SUPT3H: variants seen among roughly 807,000 people sequenced by gnomAD.
SUPT3H encodes the protein transcription initiation protein SPT3 homolog.
Under a neutral mutation model 44.3 loss-of-function variants are expected in SUPT3H, and 44 were observed. The ratio of observed to expected loss-of-function variants is 0.99; its 90% CI spans 0.78 to 1.28. The LOEUF is 1.28. SUPT3H is among the 50% of genes most tolerant of loss of function. SUPT3H has a pLI of 0.00. For missense variants in SUPT3H, 380 were observed against 387.1 expected (o/e 0.98, Z 0.15); for synonymous variants, 124 against 125.6 (o/e 0.99, Z 0.09).
intron 3 of SUPT3H, among the ~76,000 whole-genome samples, chr6:45,089,194 TAG>T (rs1412009041): frequency 1.3e-5 from 2 of 152,018 alleles, no homozygotes; most frequent in Admixed American, 6.6e-5. Flanking sequence ...TAAAAATATA[TAG>T]GTTTTTAAAA....
At chr6:45,144,460 T>C (rs1805710506) in intron 2 of SUPT3H, among the ~76,000 whole-genome samples, 1 of 152,078 alleles carries the variant, frequency 6.6e-6, no homozygotes, top group African/African-American at 2.4e-5. Context: ...AGCATCCCTT[T>C]ATGATGAAAA....
chr6:44,928,781 G>C (rs634789), intron 10 of SUPT3H, among the ~76,000 whole-genome samples: 88,226 of 148,394 alleles, frequency 0.59, 27,079 homozygotes, highest in African/African-American at 0.76. Context: ...TACTCGGGAG[G>C]CTGAGGCAGG....
chr6:44,956,119 CA>C (rs35935221), intron 7 of SUPT3H, among the ~76,000 whole-genome samples: 1,372 of 124,428 alleles, frequency 0.011, 24 homozygotes, highest in African/African-American at 0.036. Context: ...GACTCCGTCT[CA>C]AAAAAAAAAA....
rs569251744 is a variant in SUPT3H, at chr6:44,855,256, C to T, written c.913-25399G>A. On this transcript the variant is annotated intron_variant, in intron 10 of 10. Transcript: ENST00000371459. Reference sequence around the variant, plus strand: ...GGGAGGTGCTGACGGGCTTGAGTCCCATCTCTTGGGCTGGCCAGTTTTGAC... The same window carrying T: ...GGGAGGTGCTGACGGGCTTGAGTCCTATCTCTTGGGCTGGCCAGTTTTGAC... 8.5e-5 allele frequency among the ~76,000 whole-genome samples: 13 copies of T among 152,228 alleles called. 1 individual carries two copies. In the South Asian group the frequency reaches 2.7e-3, roughly 32 times the overall value.
intron 2 of SUPT3H, among the ~76,000 whole-genome samples, chr6:45,343,311 GC>G: frequency 6.6e-6 from 1 of 152,160 alleles, no homozygotes; most frequent in African/African-American, 2.4e-5. Flanking sequence ...GACCATCCTG[GC>G]CAACATGGTG....
At chr6:45,319,330 T>G (rs74951829) in intron 2 of SUPT3H, among the ~76,000 whole-genome samples, 161 of 152,284 alleles carry the variant, frequency 1.1e-3, no homozygotes, top group Non-Finnish European at 1.8e-3. Flanking sequence ...CACCAGAGTT[T>G]GTAAGGCAGG....
intron 2 of SUPT3H, among the ~76,000 whole-genome samples, chr6:45,119,556 T>G (rs1254746140): frequency 6.6e-6 from 1 of 152,188 alleles, no homozygotes; most frequent in East Asian, 1.9e-4. Flanking sequence ...ATATGCTTAT[T>G]ATATGTATAT....
At chr6:45,036,463 C>A (rs1184129701) in intron 3 of SUPT3H, among the ~76,000 whole-genome samples, 1 of 152,014 alleles carries the variant, frequency 6.6e-6, no homozygotes, top group Admixed American at 6.6e-5. Context: ...AGATTCTAGA[C>A]ATATCATTGT....
At chr6:44,936,818 T>C (rs1430573560) in intron 9 of SUPT3H, among the ~76,000 whole-genome samples, 2 of 152,056 alleles carry the variant, frequency 1.3e-5, no homozygotes, top group African/African-American at 2.4e-5. Flanking sequence ...CAGGCACACC[T>C]ACCGCACCTG....
intron 10 of SUPT3H, among the ~76,000 whole-genome samples, chr6:44,877,331 T>C (rs2153433010): frequency 6.6e-6 from 1 of 152,142 alleles, no homozygotes; most frequent in East Asian, 1.9e-4. Context: ...TAGCCAGGCG[T>C]GGTGGCGCAT....
At chr6:45,012,058 T>C (rs1398381283) in intron 5 of SUPT3H, among the ~76,000 whole-genome samples, 5 of 151,590 alleles carry the variant, frequency 3.3e-5, no homozygotes, top group African/African-American at 1.2e-4. Context: ...GGTCCCCCTG[T>C]ATATGCTTTT....
chr6:45,365,155 A>G lies in SUPT3H; in HGVS notation c.101+46T>C, dbSNP rs775426693. 53 of 1,168,130 alleles carry G rather than the reference A, an allele frequency of 4.5e-5. No individual in the cohort carries two copies. The Middle Eastern group carries it at 1.8e-3, about 40-fold the overall frequency. The allele number at this position is 1,168,130 out of a possible 1,614,324, so 72.4% of individuals were successfully genotyped here. Reference sequence around the variant, plus strand: ...TTATGTCTATTGTCTTTCAACATGAATAAATTTAAAATAGTAATAGCAATA... The same window carrying G: ...TTATGTCTATTGTCTTTCAACATGAGTAAATTTAAAATAGTAATAGCAATA... On this transcript the variant is annotated intron_variant, in intron 2 of 10. Coordinates refer to ENST00000371459, the MANE Select transcript of SUPT3H (RefSeq NM_003599.4).
chr6:45,354,699 AAAG>A (rs1359616949), intron 2 of SUPT3H, among the ~76,000 whole-genome samples: 2 of 152,076 alleles, frequency 1.3e-5, no homozygotes, highest in Non-Finnish European at 2.9e-5. Context: ...ACATTTAAAA[AAAG>A]AAAAAAAAAG....
intron 2 of SUPT3H, among the ~76,000 whole-genome samples, chr6:45,312,575 G>A (rs958841731): frequency 2.0e-5 from 3 of 147,802 alleles, no homozygotes; most frequent in African/African-American, 7.5e-5. Context: ...TGTCCAACAG[G>A]AAAATATCAT....
intron 2 of SUPT3H, among the ~76,000 whole-genome samples, chr6:45,336,848 TG>T: frequency 6.6e-6 from 1 of 151,692 alleles, no homozygotes; most frequent in South Asian, 2.1e-4. Flanking sequence ...TTCAAATACA[TG>T]GTCAATTCAC....
chr6:45,315,431 G>T (rs559129755), intron 2 of SUPT3H, among the ~76,000 whole-genome samples: 25 of 151,804 alleles, frequency 1.6e-4, no homozygotes, highest in Non-Finnish European at 3.4e-4. Context: ...AAATCAACAA[G>T]AAAAATCAAT....
At chr6:44,972,136 T>G (rs1374989381) in intron 6 of SUPT3H, among the ~76,000 whole-genome samples, 1 of 152,114 alleles carries the variant, frequency 6.6e-6, no homozygotes, top group Non-Finnish European at 1.5e-5. Flanking sequence ...CAAAGTCTCA[T>G]CTGAGACAAG....
rs117337341 is a variant in SUPT3H at position 45,332,891 on chromosome 6, C to T, written c.101+32310G>A. 1.9e-3 allele frequency among the ~76,000 whole-genome samples: 292 copies of T among 151,712 alleles called. 8 individuals carry two copies. In the East Asian group the frequency reaches 0.054, roughly 28 times the overall value. On this transcript the variant is annotated intron_variant, in intron 2 of 10. Coordinates refer to ENST00000371459, the MANE Select transcript of SUPT3H (RefSeq NM_003599.4). ...TAATTTAAGCAGAGACTTCTCAATA[C>T]GTTACCTTAATGTACTATTTTTTCT...
At chr6:44,895,596 T>C (rs1200746360) in intron 10 of SUPT3H, among the ~76,000 whole-genome samples, 1 of 152,174 alleles carries the variant, frequency 6.6e-6, no homozygotes, top group Non-Finnish European at 1.5e-5. Context: ...GTGAAATTAC[T>C]TTCTAGTATC....
Sources: allele counts gnomAD v4.1 joint callset (sites outside exome capture counted in the v4.1 genomes callset), GRCh38; gene constraint gnomAD v4.1.1; transcripts MANE v1.5; gene names NCBI Gene and HGNC (gene_info 2026-07-23, HGNC 2026-07-21).